The following THSD7B variants were observed in gnomAD, a reference collection of about 807,000 sequenced individuals.
THSD7B encodes thrombospondin type-1 domain-containing protein 7B.
In THSD7B, 138 loss-of-function variants were observed where a neutral mutation model predicts 213.6. That is an observed-to-expected ratio of 0.65 (90% CI 0.56 to 0.74). The LOEUF (loss-of-function observed/expected upper bound fraction) is 0.74, where lower values mean the gene tolerates loss of function less well. Ranked by LOEUF, THSD7B falls within the 30% of genes least tolerant of loss-of-function variation. The pLI is 0.00. For missense variants in THSD7B, 1,931 were observed against 1,991.5 expected (o/e 0.97, Z 0.58); for synonymous variants, 742 against 687.0 (o/e 1.08, Z -1.25).
chr2:137,201,682 T>C (rs1394217697), intron 7 of THSD7B, among the ~76,000 whole-genome samples: 2 of 152,286 alleles, frequency 1.3e-5, no homozygotes, highest in East Asian at 3.9e-4. Flanking sequence ...CACTTCCTAG[T>C]AAAAGCTGCC....
intron 1 of THSD7B, among the ~76,000 whole-genome samples, chr2:136,798,771 C>T (rs1682117203): frequency 6.6e-6 from 1 of 151,930 alleles, no homozygotes; most frequent in Admixed American, 6.6e-5. Context: ...TTAGTTAAAA[C>T]AAAAAAACCA....
At chr2:137,074,915 C>T (rs1393896370) in intron 3 of THSD7B, among the ~76,000 whole-genome samples, 1 of 152,182 alleles carries the variant, frequency 6.6e-6, no homozygotes, top group Non-Finnish European at 1.5e-5. Flanking sequence ...ATATTGGCCC[C>T]CACTCTCTTC....
intron 15 of THSD7B, among the ~76,000 whole-genome samples, chr2:137,562,594 T>TTG (rs72488766): frequency 0.078 from 11,256 of 144,574 alleles, 430 homozygotes; most frequent in Middle Eastern, 0.083. Flanking sequence ...GTATTTCTCT[T>TTG]TGTGTGTGTG....
chr2:136,779,470 C>A (rs1243678158), intron 1 of THSD7B, among the ~76,000 whole-genome samples: 1 of 151,846 alleles, frequency 6.6e-6, no homozygotes, highest in Non-Finnish European at 1.5e-5. Flanking sequence ...CTTTAAGGTC[C>A]CACACCTTGT....
rs1039374221 is a variant in THSD7B at position 136,879,403 on chromosome 2, CT to C, written c.-35-2735del. 3.3e-5 allele frequency among the ~76,000 whole-genome samples: 5 copies of C among 152,242 alleles called. No individual in the cohort carries two copies. The East Asian group carries it at 9.6e-4, about 29-fold the overall frequency. ...TAGGATTGACTTGGCAATGTGTGCTCTTTTTTGGTTCCACATGAACGTTAAA... is the reference window on the plus strand; with the variant it reads ...TAGGATTGACTTGGCAATGTGTGCTCTTTTTGGTTCCACATGAACGTTAAA... On this transcript the variant is annotated intron_variant, in intron 1 of 27. Coordinates refer to ENST00000409968, the MANE Select transcript of THSD7B (RefSeq NM_001316349.2).
intron 12 of THSD7B, among the ~76,000 whole-genome samples, chr2:137,388,359 G>A (rs1685942156): frequency 6.6e-6 from 1 of 151,688 alleles, no homozygotes; most frequent in African/African-American, 2.4e-5. Flanking sequence ...AAAAAAAGGA[G>A]AGTGACCCTT....
chr2:137,124,315 T>C (rs1324661943), intron 5 of THSD7B, among the ~76,000 whole-genome samples: 1 of 152,236 alleles, frequency 6.6e-6, no homozygotes, highest in African/African-American at 2.4e-5. Context: ...TTTGTTAAGT[T>C]TGCCAATTTA....
intron 5 of THSD7B, among the ~76,000 whole-genome samples, chr2:137,159,166 T>C (rs917208633): frequency 1.2e-4 from 18 of 152,082 alleles, no homozygotes; most frequent in African/African-American, 3.9e-4. Flanking sequence ...GCATGGTGGC[T>C]CACGTGTGTA....
chr2:137,198,953 T>A (rs758686916), intron 7 of THSD7B, among the ~76,000 whole-genome samples: 2 of 152,188 alleles, frequency 1.3e-5, no homozygotes, highest in African/African-American at 2.4e-5. Context: ...TCGGGAGATT[T>A]GTATGTCCAG....
chr2:137,057,959 C>G lies in THSD7B; in HGVS notation c.950+729C>G, dbSNP rs567339437. ...TGAAAGTAGTATTTGTTTAATTTTACCTCAGAGGGTCTTAAATGAAGCATT... is the reference window on the plus strand; with the variant it reads ...TGAAAGTAGTATTTGTTTAATTTTAGCTCAGAGGGTCTTAAATGAAGCATT... On this transcript the variant is annotated intron_variant, in intron 3 of 27. Transcript: ENST00000409968. Among the ~76,000 whole-genome samples, 107 of 152,246 alleles carry G rather than the reference C, an allele frequency of 7.0e-4. 1 individual carries two copies. The highest frequency in any genetic ancestry group is 2.6e-3 in the African/African-American group (106 of 41,544).
chr2:137,513,585 C>A (rs1245363071), intron 15 of THSD7B, among the ~76,000 whole-genome samples: 1 of 152,088 alleles, frequency 6.6e-6, no homozygotes, highest in East Asian at 1.9e-4. Context: ...TAACAAAAAT[C>A]TTCTAGTATA....
chr2:136,914,637 C>T (rs1266004923), intron 2 of THSD7B, among the ~76,000 whole-genome samples: 2 of 152,122 alleles, frequency 1.3e-5, no homozygotes, highest in South Asian at 4.1e-4. Context: ...ATGGGTTTAT[C>T]AGGGGTTTCT....
In THSD7B at chr2:137,548,231, C is replaced by A. The variant is rs1275886660; in HGVS notation, c.3139-14990C>A. Among the ~76,000 whole-genome samples the A allele has an allele frequency of 3.3e-5, 5 of 151,990 alleles. No homozygotes were observed. In the South Asian group the frequency reaches 8.3e-4, roughly 25 times the overall value. On this transcript the variant is annotated intron_variant, in intron 15 of 27. Transcript: ENST00000409968. ...TCCTCACAACGATGTTGGTGAAAAA[C>A]AGGAAACTTGAATGTGTTCCTAAGT...
chr2:137,019,507 C>A (rs1420106177), intron 2 of THSD7B, among the ~76,000 whole-genome samples: 1 of 152,150 alleles, frequency 6.6e-6, no homozygotes, highest in Non-Finnish European at 1.5e-5. Flanking sequence ...CTATTTTGAA[C>A]ACTCTGTGGA....
At chr2:137,047,108 G>A (rs949157939) in intron 2 of THSD7B, among the ~76,000 whole-genome samples, 1 of 152,138 alleles carries the variant, frequency 6.6e-6, no homozygotes, top group Non-Finnish European at 1.5e-5. Flanking sequence ...GGGGTGGAGT[G>A]GGGTGCAGCA....
intron 20 of THSD7B, among the ~76,000 whole-genome samples, chr2:137,626,444 A>G (rs1682631529): frequency 1.4e-5 from 2 of 146,922 alleles, no homozygotes; most frequent in Admixed American, 1.3e-4. Context: ...CGCCTGGGCA[A>G]AAGAGCGAGA....
Position 136,853,392 on chromosome 2 carries a change from TA to T in THSD7B, c.-35-28749del, listed in dbSNP as rs139082137. 3.9e-3 allele frequency among the ~76,000 whole-genome samples: 601 copies of T among 152,332 alleles called. 22 individuals carry two copies. In the East Asian group the frequency reaches 0.087, roughly 22 times the overall value. ...GAGTACAGGCCTTTATTTTGTAGGA[TA>T]AACCTTAATGTGGGTCTGTCTGGTG... On this transcript the variant is annotated intron_variant, in intron 1 of 27. Transcript: ENST00000409968.
intron 3 of THSD7B, among the ~76,000 whole-genome samples, chr2:137,082,583 T>C (rs1266178359): frequency 2.0e-5 from 3 of 152,184 alleles, no homozygotes; most frequent in Non-Finnish European, 2.9e-5. Context: ...AAATTAATTT[T>C]AGTTTTGGCC....
chr2:137,054,806 C>T (rs1192279593), intron 2 of THSD7B, among the ~76,000 whole-genome samples: 1 of 151,188 alleles, frequency 6.6e-6, no homozygotes, highest in African/African-American at 2.4e-5. Flanking sequence ...GATATGTGTG[C>T]TGAACATGCA....
Sources: allele counts gnomAD v4.1 joint callset (sites outside exome capture counted in the v4.1 genomes callset), GRCh38; gene constraint gnomAD v4.1.1; transcripts MANE v1.5; gene names NCBI Gene and HGNC (gene_info 2026-07-23, HGNC 2026-07-21).